The following CLMN variants were observed in gnomAD, a reference collection of about 807,000 sequenced individuals.
The protein encoded by CLMN is calmin (calponin-like, transmembrane).
Under a neutral mutation model 92.7 loss-of-function variants are expected in CLMN, and 57 were observed. The ratio of observed to expected loss-of-function variants is 0.61; its 90% CI spans 0.50 to 0.77. CLMN has a LOEUF of 0.77. CLMN is among the 30% of genes least tolerant of loss of function. CLMN has a pLI of 0.00. For synonymous variants in CLMN, 466 were observed against 470.6 expected (o/e 0.99, Z 0.13); for missense variants, 1,158 against 1,237.5 (o/e 0.94, Z 0.96).
chr14:95,318,210 ACACCCT>A lies in CLMN; in HGVS notation c.82+1495_82+1500del, dbSNP rs1258653791. Among the ~76,000 whole-genome samples the A allele has an allele frequency of 2.0e-5, 3 of 152,146 alleles. No individual in the cohort carries two copies. The East Asian group carries it at 5.8e-4, about 29-fold the overall frequency. On this transcript the variant is annotated intron_variant, in intron 1 of 12. Coordinates refer to ENST00000298912, the MANE Select transcript of CLMN (RefSeq NM_024734.4). Reference sequence around the variant, plus strand: ...CTAAGACAGACAGGTACACACACTCACACCCTCACAGTCCAGCAGAAGACACTAATG... The same window carrying A: ...CTAAGACAGACAGGTACACACACTCACACAGTCCAGCAGAAGACACTAATG...
chr14:95,255,300 T>C (rs796402588), intron 1 of CLMN, among the ~76,000 whole-genome samples: 27 of 152,344 alleles, frequency 1.8e-4, no homozygotes, highest in African/African-American at 6.3e-4. Flanking sequence ...TCAGTTTCTG[T>C]GACTTCAGTT....
At chr14:95,216,886 G>C (rs1192262513) in intron 4 of CLMN, among the ~76,000 whole-genome samples, 1 of 152,174 alleles carries the variant, frequency 6.6e-6, no homozygotes, top group African/African-American at 2.4e-5. Flanking sequence ...ACAGAATCAA[G>C]AACTCTGTGG....
intron 1 of CLMN, among the ~76,000 whole-genome samples, chr14:95,304,494 A>G (rs1367207779): frequency 6.6e-6 from 1 of 152,126 alleles, no homozygotes; most frequent in African/African-American, 2.4e-5. Context: ...ATGCACTAAG[A>G]GGATGAGAGG....
intron 1 of CLMN, among the ~76,000 whole-genome samples, chr14:95,297,426 CAAAT>C (rs1900851478): frequency 6.6e-6 from 1 of 152,144 alleles, no homozygotes; most frequent in African/African-American, 2.4e-5. Context: ...TTCTGGCAAA[CAAAT>C]AAAGCCATAT....
In CLMN at chr14:95,230,044, C is replaced by T. The variant is rs1410639114; in HGVS notation, c.144+28G>A. On this transcript the variant is annotated intron_variant, in intron 2 of 12. Transcript: ENST00000298912. Reference sequence around the variant, plus strand: ...AATTCAGTTACAGATGAATCTATCACTTAGCAAACACCCAAGTGCGCCATT... The same window carrying T: ...AATTCAGTTACAGATGAATCTATCATTTAGCAAACACCCAAGTGCGCCATT... 4 of 1,609,596 alleles carry T rather than the reference C, an allele frequency of 2.5e-6. No individual in the cohort carries two copies. In the African/African-American group the frequency reaches 4.0e-5, roughly 16 times the overall value.
chr14:95,260,854 G>A (rs912402313), intron 1 of CLMN, among the ~76,000 whole-genome samples: 1 of 152,164 alleles, frequency 6.6e-6, no homozygotes, highest in African/African-American at 2.4e-5. Context: ...CTATGAAGTT[G>A]TGGTCAACCC....
chr14:95,284,105 G>A (rs1029156926), intron 1 of CLMN, among the ~76,000 whole-genome samples: 4 of 152,190 alleles, frequency 2.6e-5, no homozygotes, highest in African/African-American at 4.8e-5. Flanking sequence ...AGCCGCTCCA[G>A]TTGTGGTGGA....
intron 1 of CLMN, among the ~76,000 whole-genome samples, chr14:95,318,876 CT>C (rs1204351971): frequency 1.3e-5 from 2 of 152,188 alleles, no homozygotes; most frequent in South Asian, 2.1e-4. Flanking sequence ...TTATGGGTGA[CT>C]TTTTTCCTTC....
At chr14:95,253,302 T>C (rs1318795190) in intron 1 of CLMN, among the ~76,000 whole-genome samples, 1 of 152,124 alleles carries the variant, frequency 6.6e-6, no homozygotes, top group African/African-American at 2.4e-5. Flanking sequence ...CGCTTACCCC[T>C]CCAGGTTGTA....
At chr14:95,300,620 T>C (rs1215231287) in intron 1 of CLMN, among the ~76,000 whole-genome samples, 2 of 152,238 alleles carry the variant, frequency 1.3e-5, no homozygotes, top group African/African-American at 4.8e-5. Flanking sequence ...TTGTTCCCTC[T>C]GCAAGGAACG....
intron 1 of CLMN, among the ~76,000 whole-genome samples, chr14:95,310,529 G>T (rs1185581019): frequency 2.0e-5 from 3 of 152,234 alleles, no homozygotes; most frequent in African/African-American, 4.8e-5. Context: ...TCACCCGTTT[G>T]GGGGATTAGG....
At chr14:95,196,792 C>T (rs537432357) in intron 9 of CLMN, 98 bp from the exon 10 acceptor site, 52 of 1,176,938 alleles carry the variant, frequency 4.4e-5, no homozygotes, top group African/African-American at 1.8e-4. Context: ...CCAGCCAGGG[C>T]GTCCCTTCCA....
At chr14:95,219,520 G>A (rs895226884) in intron 4 of CLMN, among the ~76,000 whole-genome samples, 5 of 152,212 alleles carry the variant, frequency 3.3e-5, no homozygotes, top group African/African-American at 9.6e-5. Context: ...CTGGTGCATG[G>A]CTAACCTGTA....
intron 1 of CLMN, among the ~76,000 whole-genome samples, chr14:95,296,695 C>A (rs1279572741): frequency 3.3e-5 from 5 of 152,182 alleles, no homozygotes; most frequent in Admixed American, 3.3e-4. Flanking sequence ...GGAGCTCTAG[C>A]AGCCATCTTG....
chr14:95,210,594 T>G, intron 7 of CLMN, 92 bp downstream of exon 7: 4 of 1,348,670 alleles, frequency 3.0e-6, no homozygotes, highest in Non-Finnish European at 4.1e-6. Context: ...CTTCATTAGA[T>G]TTTTCTGTAT....
intron 1 of CLMN, among the ~76,000 whole-genome samples, chr14:95,248,257 A>G (rs1282261227): frequency 2.0e-5 from 3 of 152,232 alleles, no homozygotes; most frequent in African/African-American, 4.8e-5. Context: ...GTTTGAAAAC[A>G]TAACTAAAAT....
chr14:95,195,058 C>T (rs558966082), intron 10 of CLMN, among the ~76,000 whole-genome samples: 5 of 152,304 alleles, frequency 3.3e-5, no homozygotes, highest in Non-Finnish European at 7.3e-5. Flanking sequence ...TCCACCCAGT[C>T]CTAGCGGAAT....
chr14:95,258,605 A>AT (rs1272181331), intron 1 of CLMN, among the ~76,000 whole-genome samples: 1 of 121,540 alleles, frequency 8.2e-6, no homozygotes, highest in Non-Finnish European at 1.7e-5. Flanking sequence ...TATCTGTGGT[A>AT]TATGTGCGGA....
intron 1 of CLMN, among the ~76,000 whole-genome samples, chr14:95,267,421 A>G (rs529359669): frequency 1.3e-5 from 2 of 152,374 alleles, no homozygotes; most frequent in South Asian, 2.1e-4. Context: ...GCCAACAGGC[A>G]TATGAATAAA....
Sources: allele counts gnomAD v4.1 joint callset (sites outside exome capture counted in the v4.1 genomes callset), GRCh38; gene constraint gnomAD v4.1.1; transcripts MANE v1.5; gene names NCBI Gene and HGNC (gene_info 2026-07-23, HGNC 2026-07-21).